Variants in ATXN7L1 observed in about 807,000 individuals in gnomAD.
The protein encoded by ATXN7L1 is ataxin-7-like protein 1.
Under a neutral mutation model 70.8 loss-of-function variants are expected in ATXN7L1, and 15 were observed. That is an observed-to-expected ratio of 0.21 (90% CI 0.14 to 0.33). ATXN7L1 has a LOEUF of 0.33. Among genes scored for constraint, ATXN7L1 ranks in the 10% least tolerant of loss-of-function variants. ATXN7L1 has a pLI of 1.00. For missense variants in ATXN7L1, 975 were observed against 1,097.1 expected, an observed-to-expected ratio of 0.89 and a Z score of 1.57; for synonymous variants, 440 against 445.1, an observed-to-expected ratio of 0.99 and a Z score of 0.14.
chr7:105,652,328 G>C (rs917313938), intron 4 of ATXN7L1, among the ~76,000 whole-genome samples: 2 of 152,172 alleles, frequency 1.3e-5, no homozygotes, highest in Non-Finnish European at 2.9e-5. Context: ...CAATTCCAAT[G>C]AATGGCCATT....
intron 3 of ATXN7L1, among the ~76,000 whole-genome samples, chr7:105,764,600 T>C (rs1232001137): frequency 6.6e-6 from 1 of 152,210 alleles, no homozygotes. Context: ...ATACCCACTA[T>C]TTGTCAGACA....
At chr7:105,820,126 CAAAAAAAAAAAAAAAAA>C (rs562797891) in intron 2 of ATXN7L1, 14 of 64,316 alleles carry the variant, frequency 2.2e-4, no homozygotes, top group Non-Finnish European at 3.9e-4. Context: ...GTTTATTCCT[CAAAAAAAAAAAAAAAAA>C]AAAAAAAAAA....
intron 2 of ATXN7L1, among the ~76,000 whole-genome samples, chr7:105,789,020 A>G (rs760962914): frequency 2.6e-5 from 4 of 152,234 alleles, no homozygotes; most frequent in Middle Eastern, 3.2e-3. Flanking sequence ...GAGAACCCAC[A>G]TGTTAGCTGG....
intron 2 of ATXN7L1, among the ~76,000 whole-genome samples, chr7:105,817,074 G>T (rs1809308765): frequency 6.6e-6 from 1 of 152,142 alleles, no homozygotes; most frequent in South Asian, 2.1e-4. Context: ...AATTATACTG[G>T]TGTTTACTCT....
At chr7:105,799,475 T>G (rs1475700198) in intron 2 of ATXN7L1, among the ~76,000 whole-genome samples, 1 of 152,218 alleles carries the variant, frequency 6.6e-6, no homozygotes, top group Non-Finnish European at 1.5e-5. Context: ...CTGATGGTCT[T>G]AATGGGTCCT....
intron 7 of ATXN7L1, among the ~76,000 whole-genome samples, chr7:105,632,430 A>G (rs1421620577): frequency 6.6e-6 from 1 of 152,188 alleles, no homozygotes. Flanking sequence ...TAGAACAAGG[A>G]GAGTAAGAGA....
intron 2 of ATXN7L1, among the ~76,000 whole-genome samples, chr7:105,849,552 C>T (rs893538780): frequency 5.3e-5 from 8 of 152,218 alleles, no homozygotes; most frequent in Admixed American, 4.6e-4. Flanking sequence ...AGGGTGGTGC[C>T]GTCCTGTGGT....
chr7:105,721,834 G>A (rs760595658), intron 3 of ATXN7L1, among the ~76,000 whole-genome samples: 8 of 152,232 alleles, frequency 5.3e-5, no homozygotes, highest in African/African-American at 7.2e-5. Flanking sequence ...GAGGCCTCCT[G>A]TGGCTGCTTC....
intron 2 of ATXN7L1, among the ~76,000 whole-genome samples, chr7:105,837,182 G>T (rs893065122): frequency 2.0e-5 from 3 of 152,006 alleles, no homozygotes; most frequent in Non-Finnish European, 4.4e-5. Context: ...TTCATGAGGG[G>T]TCCACCCCCA....
intron 3 of ATXN7L1, 52 bp from the exon 4 acceptor site, chr7:105,665,340 C>T (rs1802452946): frequency 1.4e-6 from 2 of 1,388,004 alleles, no homozygotes; most frequent in African/African-American, 1.4e-5. Flanking sequence ...GCAGGTGAGG[C>T]TCCCACACAC....
At chr7:105,702,735 G>A (rs979952506) in intron 3 of ATXN7L1, among the ~76,000 whole-genome samples, 2 of 151,318 alleles carry the variant, frequency 1.3e-5, no homozygotes, top group African/African-American at 2.4e-5. Context: ...ATCCCAGCAC[G>A]TTGGGAGACC....
intron 4 of ATXN7L1, among the ~76,000 whole-genome samples, chr7:105,654,907 A>ATTTTTTTTTT (rs201109400): frequency 7.1e-6 from 1 of 140,908 alleles, no homozygotes; most frequent in African/African-American, 2.6e-5. Context: ...CGCCTGGCTA[A>ATTTTTTTTTT]TTTTTTTTTT....
At chr7:105,679,203 GAGATTAGGGAAAGGCAGAA>G (rs1222714384) in intron 3 of ATXN7L1, 14 of 933,734 alleles carry the variant, frequency 1.5e-5, no homozygotes, top group Non-Finnish European at 1.8e-5. Context: ...ACGCCCAGAC[GAGATTAGGGAAAGGCAGAA>G]AGAAAAGCCC....
intron 4 of ATXN7L1, among the ~76,000 whole-genome samples, chr7:105,647,570 C>T (rs1361151196): frequency 1.3e-5 from 2 of 152,244 alleles, no homozygotes; most frequent in African/African-American, 4.8e-5. Flanking sequence ...TCGCTTATAC[C>T]TGGGAGACGG....
At chr7:105,843,278 G>T (rs1294649605) in intron 2 of ATXN7L1, among the ~76,000 whole-genome samples, 6 of 152,212 alleles carry the variant, frequency 3.9e-5, no homozygotes, top group African/African-American at 1.4e-4. Context: ...CTGGTTATTA[G>T]GTCCTATCTG....
At chr7:105,755,533 C>T (rs1004616193) in intron 3 of ATXN7L1, among the ~76,000 whole-genome samples, 3 of 151,998 alleles carry the variant, frequency 2.0e-5, no homozygotes, top group Non-Finnish European at 2.9e-5. Flanking sequence ...TATAAATGAA[C>T]GTGGAAAAAA....
At chr7:105,628,939 GTT>G (rs1276071130) in intron 7 of ATXN7L1, among the ~76,000 whole-genome samples, 1 of 8,534 alleles carries the variant, frequency 1.2e-4, no homozygotes, top group Non-Finnish European at 1.5e-3. Context: ...CAGTTACCGG[GTT>G]TTTTTTTTTT....
chr7:105,842,109 C>T (rs567218725), intron 2 of ATXN7L1, among the ~76,000 whole-genome samples: 18 of 152,244 alleles, frequency 1.2e-4, no homozygotes, highest in African/African-American at 4.1e-4. Context: ...ATTCTCTGGC[C>T]AGTCCCTCTT....
Position 105,614,869 on chromosome 7 carries a change from G to C in ATXN7L1, c.1518-53C>G. The C allele has an allele frequency of 6.7e-7, 1 of 1,501,780 alleles. No homozygotes were observed. Among genetic ancestry groups the C allele is most frequent in the Middle Eastern group, 2.0e-4 (1 of 5,022 alleles). 93.0% of individuals were successfully genotyped at this position (1,501,780 alleles called of 1,614,324 possible). ...ATCAGTGAGACATCGGGTTGGCATT[G>C]CTCAGGAGGCTCGATGACGTTTGAG... On this transcript the variant is annotated intron_variant, in intron 9 of 11. Transcript: ENST00000419735. The surrounding 1 kb of genome is among the most constrained non-coding windows in gnomAD (Gnocchi z 4.3).
Sources: gnomAD v4.1 joint callset for allele counts (sites outside exome capture counted in the v4.1 genomes callset) on GRCh38, gnomAD v4.1.1 for gene constraint, Gnocchi (gnomAD v3.1) non-coding constraint, MANE v1.5 for transcripts, NCBI Gene and HGNC (gene_info 2026-07-23, HGNC 2026-07-21) for gene names.